The following EDA variants were observed in gnomAD, a reference collection of about 807,000 sequenced individuals.
EDA encodes ectodysplasin A.
EDA carries 2 observed loss-of-function variants against 23.6 expected under a neutral mutation model. That is an observed-to-expected ratio of 0.08 (90% CI 0.03 to 0.27). The LOEUF (loss-of-function observed/expected upper bound fraction) is 0.27. Ranked by LOEUF, EDA falls within the 10% of genes least tolerant of loss-of-function variation. The probability of loss-of-function intolerance (pLI) is 1.00; values close to 1 mark genes in which losing one functional copy is unlikely to be tolerated. For synonymous variants in EDA, 131 were observed against 132.0 expected (o/e 0.99, Z 0.05); for missense variants, 229 against 324.2 (o/e 0.71, Z 2.26).
At chrX:69,698,520 A>G (rs1398902635) in intron 1 of EDA, among the ~76,000 whole-genome samples, 1 of 112,040 alleles carries the variant, frequency 8.9e-6, no homozygotes, top group Admixed American at 9.5e-5. Context: ...GGATTAAGGA[A>G]GGGAGGTAAT....
chrX:69,923,498 A>G (rs1254221849), intron 1 of EDA, among the ~76,000 whole-genome samples: 2 of 111,668 alleles, frequency 1.8e-5, no homozygotes, highest in East Asian at 5.6e-4. Flanking sequence ...GTAGTATTCC[A>G]TGGTGTATAT....
At chrX:69,935,854 A>T (rs1169168908) in intron 1 of EDA, among the ~76,000 whole-genome samples, 1 of 109,632 alleles carries the variant, frequency 9.1e-6, no homozygotes, top group Non-Finnish European at 1.9e-5. Flanking sequence ...AAAAACAAGC[A>T]TTACACTCCT....
chrX:69,760,975 T>A (rs942815378), intron 1 of EDA, among the ~76,000 whole-genome samples: 2 of 110,879 alleles, frequency 1.8e-5, no homozygotes, highest in African/African-American at 6.6e-5. Context: ...AGTTTTTGAT[T>A]TAGGGGATGA....
chrX:69,713,173 T>G (rs1461315907), intron 1 of EDA, among the ~76,000 whole-genome samples: 2 of 111,909 alleles, frequency 1.8e-5, no homozygotes, highest in African/African-American at 6.5e-5. Context: ...GTAACAAACC[T>G]GCACGTTGTG....
chrX:70,009,181 G>C (rs1052903065), intron 2 of EDA, among the ~76,000 whole-genome samples: 6 of 111,561 alleles, frequency 5.4e-5, no homozygotes, highest in Admixed American at 1.9e-4. Flanking sequence ...CTCTTTCTTG[G>C]TAGGAGTTTG....
chrX:69,961,697 C>T lies in EDA; in HGVS notation c.502+4565C>T, dbSNP rs926099106. 3.6e-5 allele frequency among the ~76,000 whole-genome samples: 4 copies of T among 112,454 alleles called. No homozygotes were observed. In the South Asian group the frequency reaches 1.1e-3, roughly 31 times the overall value. On this transcript the variant is annotated intron_variant, in intron 2 of 7. Transcript: ENST00000374552. ...CAACTCTTAGAAAAGAAGTGAATTT[C>T]GTTTTCTTTACTACATTTCTTCCTT...
At chrX:69,810,011 C>T (rs1175041244) in intron 1 of EDA, among the ~76,000 whole-genome samples, 5 of 109,395 alleles carry the variant, frequency 4.6e-5, no homozygotes, top group African/African-American at 1.7e-4. Flanking sequence ...CCTGTAATCC[C>T]AGCACTTTGG....
At chrX:69,743,073 C>T (rs181044804) in intron 1 of EDA, 28 of 111,078 alleles carry the variant, frequency 2.5e-4, no homozygotes, top group African/African-American at 8.8e-4. Flanking sequence ...TCATTTTTTT[C>T]CTACCTCATT....
At chrX:69,851,179 G>GTT (rs1378835623) in intron 1 of EDA, among the ~76,000 whole-genome samples, 2 of 110,944 alleles carry the variant, frequency 1.8e-5, no homozygotes, top group African/African-American at 6.5e-5. Context: ...GTGTGTGTGT[G>GTT]TGTGCACGTG....
intron 1 of EDA, among the ~76,000 whole-genome samples, chrX:69,792,592 T>C (rs1039661122): frequency 8.9e-6 from 1 of 112,396 alleles, no homozygotes; most frequent in Non-Finnish European, 1.9e-5. Flanking sequence ...ACTAGCAGTC[T>C]AAAAAAATAT....
intron 2 of EDA, among the ~76,000 whole-genome samples, chrX:69,973,748 C>T (rs950155492): frequency 1.8e-5 from 2 of 111,496 alleles, no homozygotes; most frequent in Non-Finnish European, 3.8e-5. Flanking sequence ...TATATTCATA[C>T]AATGAAATAT....
intron 1 of EDA, among the ~76,000 whole-genome samples, chrX:69,924,529 C>T (rs1025510511): frequency 3.6e-5 from 4 of 111,562 alleles, no homozygotes; most frequent in Admixed American, 1.9e-4. Flanking sequence ...GTACCAGTAC[C>T]GTGCTGTTTT....
intron 1 of EDA, among the ~76,000 whole-genome samples, chrX:69,727,303 G>A (rs922847877): frequency 1.8e-5 from 2 of 111,957 alleles, no homozygotes; most frequent in Admixed American, 9.4e-5. Flanking sequence ...AGGGCCAAAC[G>A]GCAACATTTG....
chrX:69,835,792 A>G (rs1250580766), intron 1 of EDA, among the ~76,000 whole-genome samples: 3 of 111,225 alleles, frequency 2.7e-5, no homozygotes, highest in South Asian at 7.5e-4. Context: ...GAGAAGAGGC[A>G]CTCTGATTTT....
chrX:70,023,374 T>C, intron 3 of EDA, 133 bp downstream of exon 3: 2 of 409,549 alleles, frequency 4.9e-6, no homozygotes. Flanking sequence ...AATCATATGT[T>C]ATCTTCTTGA....
chrX:69,633,460 G>T (rs1470944120), intron 1 of EDA, among the ~76,000 whole-genome samples: 4 of 111,728 alleles, frequency 3.6e-5, no homozygotes, highest in African/African-American at 1.3e-4. Flanking sequence ...TCTAATCCAA[G>T]AACATTTTCA....
chrX:69,956,289 T>TTCTTTCTC (rs1261028928), intron 1 of EDA, among the ~76,000 whole-genome samples: 1 of 101,534 alleles, frequency 9.8e-6, no homozygotes, highest in Non-Finnish European at 2.0e-5. Flanking sequence ...CTTTCTTTCT[T>TTCTTTCTC]TCTTTCTTTC....
At chrX:69,669,206 C>CT (rs779900247) in intron 1 of EDA, among the ~76,000 whole-genome samples, 16 of 102,318 alleles carry the variant, frequency 1.6e-4, no homozygotes, top group East Asian at 3.0e-4. Flanking sequence ...ATAGTTGGAC[C>CT]TTTTTTTTTT....
intron 1 of EDA, among the ~76,000 whole-genome samples, chrX:69,851,088 AAG>A (rs1267667936): frequency 9.0e-6 from 1 of 111,679 alleles, no homozygotes; most frequent in African/African-American, 3.2e-5. Context: ...TAGAATGACA[AAG>A]AAATTATAAC....
Sources: gnomAD v4.1 joint callset for allele counts (sites outside exome capture counted in the v4.1 genomes callset) on GRCh38, gnomAD v4.1.1 for gene constraint, MANE v1.5 for transcripts, NCBI Gene and HGNC (gene_info 2026-07-23, HGNC 2026-07-21) for gene names.